The following ZNF280B variants were observed in gnomAD, a reference collection of about 807,000 sequenced individuals.
The protein encoded by ZNF280B is suppressor of hairy wing homolog 2.
A neutral mutation model predicts 38.0 loss-of-function variants in ZNF280B; 16 were observed. The observed-to-expected ratio is 0.42, with a 90% confidence interval of 0.28 to 0.64. ZNF280B has a LOEUF of 0.64. Ranked by LOEUF, ZNF280B falls within the 30% of genes least tolerant of loss-of-function variation. The pLI is 0.21. For synonymous variants in ZNF280B, 253 were observed against 230.6 expected (o/e 1.10, Z -0.88); for missense variants, 581 against 639.6 (o/e 0.91, Z 0.99).
intron 2 of ZNF280B, among the ~76,000 whole-genome samples, chr22:22,502,474 T>A (rs545193012): frequency 2.6e-5 from 4 of 151,856 alleles, no homozygotes; most frequent in Non-Finnish European, 5.9e-5. Context: ...ATAACACATA[T>A]ATAAGCTAGC....
At position 22,489,245 on chromosome 22, in the gene ZNF280B, T is replaced by C. The variant is rs763464310; in HGVS notation, c.154A>G (p.Asn52Asp). Residue 52 changes from asparagine (N) to aspartate (D), a missense_variant, in exon 4 of 4, where the codon AAT becomes GAT. Asn to Asp is a conservative substitution (Grantham distance 23). Transcript: ENST00000626650. ...ATGTTTGAAACGACTGGTTTTGAAT[T>C]TGAAGTCACCCCAACAAAGATTAGC... Reference protein sequence around the residue: ...AELIFVGVTSNSKPVVSNILN... With the variant: ...AELIFVGVTSDSKPVVSNILN... The C allele has an allele frequency of 1.2e-6, 2 of 1,613,874 alleles. No individual in the cohort carries two copies. The highest frequency in any genetic ancestry group is 2.2e-5 in the East Asian group (1 of 44,798).
chr22:22,507,656 T>C (rs1005980963), intron 2 of ZNF280B, among the ~76,000 whole-genome samples, 154 bp downstream of exon 2: 2 of 151,640 alleles, frequency 1.3e-5, no homozygotes, highest in African/African-American at 2.4e-5. Context: ...ACATCAACAA[T>C]TGGCCTGAAC....
chr22:22,502,406 C>T (rs1023310952), intron 2 of ZNF280B, among the ~76,000 whole-genome samples: 4 of 151,808 alleles, frequency 2.6e-5, no homozygotes, highest in Admixed American at 6.6e-5. Flanking sequence ...TTAAATATGG[C>T]GTTACCATAT....
chr22:22,507,063 T>C (rs1327007589), intron 2 of ZNF280B, among the ~76,000 whole-genome samples: 1 of 151,908 alleles, frequency 6.6e-6, no homozygotes, highest in Non-Finnish European at 1.5e-5. Context: ...TGCTCTGAAG[T>C]AAGCCAGCTG....
At chr22:22,493,909 C>T (rs768340087) in intron 3 of ZNF280B, among the ~76,000 whole-genome samples, 154 bp downstream of exon 3, 1 of 151,594 alleles carries the variant, frequency 6.6e-6, no homozygotes, top group Non-Finnish European at 1.5e-5. Flanking sequence ...AACTGTGTTC[C>T]CCCCACCCCC....
chr22:22,505,809 T>C (rs2061926259), intron 2 of ZNF280B, among the ~76,000 whole-genome samples: 2 of 151,828 alleles, frequency 1.3e-5, no homozygotes, highest in Admixed American at 6.6e-5. Context: ...TCTTCAGATT[T>C]TACCCTGAGT....
rs1336662047 is a variant in ZNF280B at position 22,484,651 on chromosome 22, G to C, written c.*3116C>G. 1.3e-5 allele frequency: 2 copies of C among 152,238 alleles called. No homozygotes were observed. The highest frequency in any genetic ancestry group is 2.9e-5 in the Non-Finnish European group (2 of 67,988). The allele number at this position is 152,238 out of a possible 1,614,324, so 9.4% of individuals were successfully genotyped here. On this transcript the variant is annotated 3_prime_UTR_variant, in exon 4 of 4. Coordinates refer to ENST00000626650, the MANE Select transcript of ZNF280B (RefSeq NM_080764.4). ...AGGTATCAATAGAAAAACAGAGAAA[G>C]CTCCTGAAAGAACTCACTATATTAA...
intron 3 of ZNF280B, among the ~76,000 whole-genome samples, chr22:22,490,942 A>G (rs1345181624): frequency 4.0e-5 from 6 of 151,700 alleles, no homozygotes; most frequent in African/African-American, 1.5e-4. Context: ...CCTCTAACCC[A>G]CATTCCTAAT....
rs189327531 is a variant in ZNF280B, at chr22:22,507,242, C to T, written c.-187+568G>A. On this transcript the variant is annotated intron_variant, in intron 2 of 3. Coordinates refer to ENST00000626650, the MANE Select transcript of ZNF280B (RefSeq NM_080764.4). ...TGAAACCTCATGAGTGACCTTGAGC[C>T]AGAAACAGCCAGCTAAGCCACTCTT... Among the ~76,000 whole-genome samples the T allele has an allele frequency of 9.7e-3, 1,476 of 152,022 alleles. 11 individuals are homozygous for T. Among genetic ancestry groups the T allele is most frequent in the South Asian group, 0.026 (127 of 4,808 alleles).
chr22:22,504,976 A>C (rs980388101), intron 2 of ZNF280B, among the ~76,000 whole-genome samples: 1 of 151,978 alleles, frequency 6.6e-6, no homozygotes, highest in African/African-American at 2.4e-5. Flanking sequence ...GGGTAGTCAG[A>C]AAATAATTTT....
In ZNF280B at chr22:22,488,659, T is replaced by G; in HGVS notation, c.740A>C (p.Lys247Thr). The change falls in exon 4 of 4, where the codon AAG becomes ACG. Residue 247 changes from lysine (K) to threonine (T), a missense_variant. Coordinates refer to ENST00000626650, the MANE Select transcript of ZNF280B (RefSeq NM_080764.4). Reference sequence around the variant, plus strand: ...CCTATCAAGATTTGTATTTATAGGCTTGAAATGGATATTGTCCTTTGGAAA... The same window carrying G: ...CCTATCAAGATTTGTATTTATAGGCGTGAAATGGATATTGTCCTTTGGAAA... ...AAFPKDNIHFKPINTNLDRAN... is the reference protein window; with the variant it reads ...AAFPKDNIHFTPINTNLDRAN... 1 of 1,613,894 alleles carries G rather than the reference T, an allele frequency of 6.2e-7. No individual in the cohort carries two copies. The highest frequency in any genetic ancestry group is 1.1e-5 in the South Asian group (1 of 91,058).
At position 22,504,181 on chromosome 22, in the gene ZNF280B, C is replaced by T. The variant is rs568813106; in HGVS notation, c.-187+3629G>A. Among the ~76,000 whole-genome samples, 6 of 152,000 alleles carry T rather than the reference C, an allele frequency of 3.9e-5. 2 individuals carry two copies. In the South Asian group the frequency reaches 1.2e-3, roughly 32 times the overall value. ...GGGCATGGTGGCTCACGCCTGTAAT[C>T]CCAGCACTTTGGGAGGCTGAGGCAG... On this transcript the variant is annotated intron_variant, in intron 2 of 3. Coordinates refer to ENST00000626650, the MANE Select transcript of ZNF280B (RefSeq NM_080764.4).
At chr22:22,499,308 A>C (rs1315799164) in intron 2 of ZNF280B, among the ~76,000 whole-genome samples, 1 of 151,458 alleles carries the variant, frequency 6.6e-6, no homozygotes, top group Admixed American at 6.6e-5. Context: ...CTTGTTGCCC[A>C]GGCTGGAGTG....
chr22:22,493,525 ACTCT>A (rs1020656991), intron 3 of ZNF280B, among the ~76,000 whole-genome samples: 25 of 151,536 alleles, frequency 1.6e-4, no homozygotes, highest in African/African-American at 4.9e-4. Flanking sequence ...TCATTTTTTC[ACTCT>A]CTATTTTGTA....
In ZNF280B at chr22:22,487,447, TAAAAAAAAAAAAAA is replaced by T. The variant is rs71199481; in HGVS notation, c.*306_*319del. On this transcript the variant is annotated 3_prime_UTR_variant, in exon 4 of 4. Coordinates refer to ENST00000626650, the MANE Select transcript of ZNF280B (RefSeq NM_080764.4). ...TAACAGTGAGACCCTGTCTCTAAAGTAAAAAAAAAAAAAAAAAAAAAAAAAAAAATTAAAATTAA... is the reference window on the plus strand; with the variant it reads ...TAACAGTGAGACCCTGTCTCTAAAGTAAAAAAAAAAAAAAATTAAAATTAA... 42 of 66,796 alleles carry T rather than the reference TAAAAAAAAAAAAAA, an allele frequency of 6.3e-4. No individual in the cohort carries two copies. The highest frequency in any genetic ancestry group is 0.011 in the Middle Eastern group (1 of 94). The allele number at this position is 66,796 out of a possible 1,614,324, so 4.1% of individuals were successfully genotyped here.
intron 2 of ZNF280B, among the ~76,000 whole-genome samples, chr22:22,502,763 C>T (rs906214253): frequency 2.6e-5 from 4 of 151,728 alleles, no homozygotes; most frequent in Admixed American, 6.6e-5. Flanking sequence ...GCCATGGGCT[C>T]GATGAAGAAG....
chr22:22,505,906 A>T (rs1227472782), intron 2 of ZNF280B, among the ~76,000 whole-genome samples: 1 of 151,966 alleles, frequency 6.6e-6, no homozygotes, highest in Admixed American at 6.6e-5. Flanking sequence ...CTGTGTGGAG[A>T]ATAGACTTTA....
chr22:22,487,653 C>G lies in ZNF280B; in HGVS notation c.*114G>C. ...TCTTGTTTAAAAAGTCATATATAAT[C>G]CACTAGTTTCACTATTTTTGGTGCT... On this transcript the variant is annotated 3_prime_UTR_variant, in exon 4 of 4. Transcript: ENST00000626650. The G allele has an allele frequency of 7.7e-6, 6 of 783,406 alleles. No individual in the cohort carries two copies. In the East Asian group the frequency reaches 1.6e-4, roughly 20 times the overall value. The allele number at this position is 783,406 out of a possible 1,614,324, so 48.5% of individuals were successfully genotyped here. A position where few individuals can be genotyped will look rare whatever the true frequency, so the allele number is the denominator to read the frequency against.
chr22:22,505,305 T>C (rs1256483969), intron 2 of ZNF280B, among the ~76,000 whole-genome samples: 1 of 151,836 alleles, frequency 6.6e-6, no homozygotes, highest in Non-Finnish European at 1.5e-5. Context: ...GTGGCTCACA[T>C]CTGTAATCCC....
Sources: allele counts gnomAD v4.1 joint callset (sites outside exome capture counted in the v4.1 genomes callset), GRCh38; gene constraint gnomAD v4.1.1; transcripts MANE v1.5; gene names NCBI Gene and HGNC (gene_info 2026-07-23, HGNC 2026-07-21).